The following AGMO variants were observed in gnomAD, a reference collection of about 807,000 sequenced individuals.
AGMO encodes alkylglycerol monooxygenase, also known as glyceryl-ether monooxygenase.
In AGMO, 75 loss-of-function variants were observed where a neutral mutation model predicts 60.2. The ratio of observed to expected loss-of-function variants is 1.25; its 90% CI spans 1.03 to 1.51. The LOEUF is 1.51. AGMO is among the 40% of genes most tolerant of loss of function. AGMO has a pLI of 0.00. For synonymous variants in AGMO, 261 were observed against 177.1 expected (o/e 1.47, Z -3.76); for missense variants, 763 against 525.5 (o/e 1.45, Z -4.42).
At chr7:15,500,469 A>T (rs1049085868) in intron 3 of AGMO, among the ~76,000 whole-genome samples, 3 of 151,864 alleles carry the variant, frequency 2.0e-5, no homozygotes, top group African/African-American at 7.2e-5. Flanking sequence ...TTTATTTGAA[A>T]ATAAGAGTAT....
At chr7:15,250,876 C>G (rs560215868) in intron 12 of AGMO, among the ~76,000 whole-genome samples, 1 of 151,858 alleles carries the variant, frequency 6.6e-6, no homozygotes, top group East Asian at 1.9e-4. Flanking sequence ...ACCCGGGAGG[C>G]AGACGTTGCA....
intron 3 of AGMO, among the ~76,000 whole-genome samples, chr7:15,513,335 T>G (rs1185821773): frequency 6.6e-6 from 1 of 152,236 alleles, no homozygotes; most frequent in Non-Finnish European, 1.5e-5. Flanking sequence ...TTGTGGATTT[T>G]GACTATAATT....
chr7:15,265,300 G>C (rs1466971001), intron 12 of AGMO, among the ~76,000 whole-genome samples: 2 of 151,992 alleles, frequency 1.3e-5, no homozygotes, highest in Non-Finnish European at 2.9e-5. Flanking sequence ...TGGAGAGAGG[G>C]AGAGAAGTGT....
At chr7:15,548,612 G>C (rs1448420967) in intron 2 of AGMO, among the ~76,000 whole-genome samples, 1 of 151,972 alleles carries the variant, frequency 6.6e-6, no homozygotes, top group Non-Finnish European at 1.5e-5. Flanking sequence ...GGGAAGTTTA[G>C]AGAAAAAATA....
chr7:15,492,905 A>G (rs1423632603), intron 3 of AGMO, among the ~76,000 whole-genome samples: 1 of 152,116 alleles, frequency 6.6e-6, no homozygotes, highest in Non-Finnish European at 1.5e-5. Flanking sequence ...TACATCTTCA[A>G]GGAAGTTTCC....
chr7:15,149,771 G>C, the AGMO span, among the ~76,000 whole-genome samples: 9 of 151,942 alleles, frequency 5.9e-5, no homozygotes, highest in Non-Finnish European at 1.3e-4. Context: ...TGTTCTTTTT[G>C]CTTAGGACTG....
At chr7:15,479,084 T>C (rs937749714) in intron 3 of AGMO, among the ~76,000 whole-genome samples, 1 of 152,188 alleles carries the variant, frequency 6.6e-6, no homozygotes, top group Non-Finnish European at 1.5e-5. Context: ...TTCATCAAAA[T>C]AAATATAAAT....
chr7:15,126,027 T>C, the AGMO span, among the ~76,000 whole-genome samples: 1 of 152,102 alleles, frequency 6.6e-6, no homozygotes, highest in Non-Finnish European at 1.5e-5. Context: ...TGCTTGTAAC[T>C]AGCTTCAGGC....
At chr7:15,202,332 C>T (rs1033399503) in intron 12 of AGMO, among the ~76,000 whole-genome samples, 3 of 151,600 alleles carry the variant, frequency 2.0e-5, no homozygotes, top group African/African-American at 4.8e-5. Flanking sequence ...TGGGGAACTC[C>T]GGTGAAGTCA....
At chr7:15,385,315 T>C (rs1291425039) in intron 10 of AGMO, 131 bp downstream of exon 10, 20 of 595,888 alleles carry the variant, frequency 3.4e-5, no homozygotes, top group Non-Finnish European at 5.5e-5. Context: ...TATTTAAATG[T>C]GAGACGTTGC....
chr7:15,203,096 A>G (rs1300149628), intron 12 of AGMO, among the ~76,000 whole-genome samples: 1 of 152,156 alleles, frequency 6.6e-6, no homozygotes, highest in Non-Finnish European at 1.5e-5. Flanking sequence ...GGTTACAAGG[A>G]TGATCTCCCT....
chr7:15,163,824 T>A, the AGMO span, among the ~76,000 whole-genome samples: 4 of 152,196 alleles, frequency 2.6e-5, no homozygotes, highest in Admixed American at 2.6e-4. Context: ...GATATCAGGA[T>A]GATATTGCTT....
chr7:15,417,752 A>G (rs1484887736), intron 5 of AGMO, among the ~76,000 whole-genome samples: 1 of 152,226 alleles, frequency 6.6e-6, no homozygotes, highest in Non-Finnish European at 1.5e-5. Flanking sequence ...ACTTTGTTGT[A>G]TCAAGATTTC....
At chr7:15,399,291 AG>A (rs147512702) in intron 5 of AGMO, among the ~76,000 whole-genome samples, 14,057 of 152,184 alleles carry the variant, frequency 0.092, 1,112 homozygotes, top group African/African-American at 0.21. Context: ...TTTTCTGGGG[AG>A]AAATTCTACA....
intron 12 of AGMO, among the ~76,000 whole-genome samples, chr7:15,342,215 C>CTAAGAGACT (rs1295850516): frequency 4.9e-5 from 6 of 122,216 alleles, no homozygotes; most frequent in Non-Finnish European, 6.5e-5. Flanking sequence ...TCCTGAAGCA[C>CTAAGAGACT]TAAGAGACTT....
intron 4 of AGMO, among the ~76,000 whole-genome samples, chr7:15,419,753 A>T (rs1422824465): frequency 9.2e-5 from 14 of 151,898 alleles, no homozygotes; most frequent in Non-Finnish European, 4.4e-5. Flanking sequence ...CATTCAAGAG[A>T]TCAATTTTTA....
chr7:15,124,693 T>C, the AGMO span, among the ~76,000 whole-genome samples: 850 of 152,238 alleles, frequency 5.6e-3, 6 homozygotes, highest in African/African-American at 0.019. Flanking sequence ...AAGATGGACA[T>C]GTTTCAACAT....
At chr7:15,490,125 G>A (rs989774724) in intron 3 of AGMO, among the ~76,000 whole-genome samples, 10 of 152,136 alleles carry the variant, frequency 6.6e-5, no homozygotes, top group African/African-American at 2.2e-4. Flanking sequence ...TTAAATATCA[G>A]ATTTATATGA....
chr7:15,176,292 T>G, the AGMO span, among the ~76,000 whole-genome samples: 1 of 151,942 alleles, frequency 6.6e-6, no homozygotes, highest in South Asian at 2.1e-4. Context: ...AAGACTGGAA[T>G]ATAGATGGAC....
Sources: allele counts gnomAD v4.1 joint callset (sites outside exome capture counted in the v4.1 genomes callset), GRCh38; gene constraint gnomAD v4.1.1; transcripts MANE v1.5; gene names NCBI Gene and HGNC (gene_info 2026-07-23, HGNC 2026-07-21).